Variants in MZT2A observed in about 807,000 individuals in gnomAD.
MZT2A encodes mitotic spindle organizing protein 2A, also known as mitotic-spindle organizing protein 2A.
In MZT2A, 8 loss-of-function variants were observed where a neutral mutation model predicts 12.4. The ratio of observed to expected loss-of-function variants is 0.64; its 90% CI spans 0.38 to 1.16. The LOEUF is 1.16. Ranked by LOEUF, MZT2A falls within the 50% of genes most tolerant of loss-of-function variation. MZT2A has a pLI of 0.01. For synonymous variants in MZT2A, 88 were observed against 107.5 expected, an observed-to-expected ratio of 0.82 and a Z score of 1.12; for missense variants, 181 against 223.6, an observed-to-expected ratio of 0.81 and a Z score of 1.22.
rs113502489 is a variant in MZT2A, at chr2:131,484,539, C to T, written c.320-321G>A. ...TTAGGGAAAGGTAGGTGTGGTGGTC[C>T]ACACCTAGCCTGGTCAGCAAACCTA... On this transcript the variant is annotated intron_variant, in intron 2 of 2. Transcript: ENST00000309451. 3.4e-3 allele frequency among the ~76,000 whole-genome samples: 522 copies of T among 152,316 alleles called. 3 individuals carry two copies. Among genetic ancestry groups the T allele is most frequent in the Middle Eastern group, 6.8e-3 (2 of 294 alleles).
chr2:131,475,123 G>A (rs1361699111), intron 2 of MZT2A, among the ~76,000 whole-genome samples: 1 of 147,844 alleles, frequency 6.8e-6, no homozygotes, highest in Non-Finnish European at 1.5e-5. Context: ...ACCGTGCCTT[G>A]CTAATTTTAT....
intron 2 of MZT2A, among the ~76,000 whole-genome samples, chr2:131,475,318 C>CTTT: frequency 9.1e-6 from 1 of 110,256 alleles, no homozygotes; most frequent in Non-Finnish European, 1.8e-5. Flanking sequence ...CTCCTTTCTT[C>CTTT]CTTTTTTTTT....
intron 2 of MZT2A, chr2:131,476,345 G>A: frequency 2.1e-6 from 3 of 1,444,486 alleles, no homozygotes; most frequent in South Asian, 2.8e-5. Context: ...AGGAGGACAC[G>A]GGATCGTTTC....
At chr2:131,491,254 G>A (rs1426963033) in intron 2 of MZT2A, 3 of 365,614 alleles carry the variant, frequency 8.2e-6, no homozygotes, top group Non-Finnish European at 1.6e-5. Flanking sequence ...GGAGAGGGAG[G>A]AGGCCCTTCA....
chr2:131,472,135 G>A, exon 3 of MZT2A: 1 of 1,290,184 alleles, frequency 7.8e-7, no homozygotes, highest in Non-Finnish European at 1.0e-6. Context: ...TAGCTGCTGT[G>A]TGAAATCTTG....
chr2:131,476,220 C>A (rs200054019), intron 2 of MZT2A: 1 of 1,613,890 alleles, frequency 6.2e-7, no homozygotes, highest in Non-Finnish European at 8.5e-7. Flanking sequence ...CCGGGTCACT[C>A]CCGCCCCGCA....
At chr2:131,474,964 C>T (rs67401334) in intron 2 of MZT2A, among the ~76,000 whole-genome samples, 30,172 of 151,804 alleles carry the variant, frequency 0.2, 4,904 homozygotes, top group East Asian at 0.75. Context: ...CCCAAATAAA[C>T]TCTATTTTTT....
rs368071025 is a variant in MZT2A at position 131,484,093 on chromosome 2, G to A, written c.445C>T (p.Pro149Ser). ...CTGCCCTGCGTAGGGCTCTTCCCAGGCCCGCCCCCCTTGGGCAGCCTGGTA... is the reference window on the plus strand; with the variant it reads ...CTGCCCTGCGTAGGGCTCTTCCCAGACCCGCCCCCCTTGGGCAGCCTGGTA... Reference protein sequence around the residue: ...SATRLPKGGGPGKSPTQGST With the variant: ...SATRLPKGGGSGKSPTQGST The change falls in exon 3 of 3, where the codon CCT becomes TCT. Residue 149 changes from proline (P) to serine (S), a missense_variant. Pro to Ser is a moderately conservative substitution (Grantham distance 74). Around this residue, in one of 3 missense-constraint regions of MZT2A, gnomAD observed 72 missense variants for 76.9 expected, o/e 0.94. Transcript: ENST00000309451. The A allele has an allele frequency of 1.6e-5, 26 of 1,613,602 alleles. No individual in the cohort carries two copies. In the African/African-American group the frequency reaches 3.1e-4, roughly 19 times the overall value.
At position 131,491,901 on chromosome 2, in the gene MZT2A, G is replaced by A. The variant is rs770125552; in HGVS notation, c.294C>T (p.Pro98=). The change falls in exon 2 of 3, where the codon CCC becomes CCT. Residue 98 remains proline, a synonymous_variant. Transcript: ENST00000309451. ...EPQDPAAVSL[P]TSSVPETRGR... ...CTCGGGTCTCGGGCACGCTCGACGT[G>A]GGCAGAGACACGGCCGCAGGGTCCT... is the stretch of plus-strand genomic sequence containing the variant. The A allele has an allele frequency of 6.7e-5, 102 of 1,516,436 alleles. No individual in the cohort carries two copies. In the Middle Eastern group the frequency reaches 1.4e-3, roughly 21 times the overall value. The allele number at this position is 1,516,436 out of a possible 1,614,324, so 93.9% of individuals were successfully genotyped here.
rs10178851 is a variant in MZT2A at position 131,492,228 on chromosome 2, C to G, written c.149G>C (p.Gly50Ala). ...LYELAQAAGG[G>A]IDPDVFKILV... is the part of the protein sequence containing the mutation. Reference sequence around the variant, plus strand: ...TCACTTGAACACGTCGGGGTCGATACCGCCGCCCGCCGCCTGAGCCAGCTC... The same window carrying G: ...TCACTTGAACACGTCGGGGTCGATAGCGCCGCCCGCCGCCTGAGCCAGCTC... Residue 50 changes from glycine to alanine, a missense_variant, in exon 1 of 3, where the codon GGT becomes GCT. This residue lies in a region of MZT2A where 106 missense variants were observed against 127.2 expected (regional missense o/e 0.83). Coordinates refer to ENST00000309451, the MANE Select transcript of MZT2A (RefSeq NM_001085365.2). The G allele has an allele frequency of 1.6e-3, 2,591 of 1,581,944 alleles. 37 individuals carry two copies. The African/African-American group carries it at 0.026, about 16-fold the overall frequency.
intron 3 of MZT2A, among the ~76,000 whole-genome samples, chr2:131,471,197 C>T (rs1309826665): frequency 7.1e-6 from 1 of 139,928 alleles, no homozygotes; most frequent in Admixed American, 6.7e-5. Flanking sequence ...GTCACTGTGA[C>T]TGTGTCAAGC....
At position 131,491,767 on chromosome 2, in the gene MZT2A, C is replaced by G. The variant is rs1322882516; in HGVS notation, c.319+109G>C. The G allele has an allele frequency of 2.4e-5, 34 of 1,420,804 alleles. 1 individual carries two copies. The highest frequency in any genetic ancestry group is 2.8e-5 in the Non-Finnish European group (30 of 1,071,976). 88.0% of individuals were successfully genotyped at this position (1,420,804 alleles called of 1,614,324 possible). A position where few individuals can be genotyped will look rare whatever the true frequency, so the allele number is the denominator to read the frequency against. Reference sequence around the variant, plus strand: ...CTGCAGGTGCTGGGCCTAGACCGACCGACAGACAGGCCTGGCCACTCAGGG... The same window carrying G: ...CTGCAGGTGCTGGGCCTAGACCGACGGACAGACAGGCCTGGCCACTCAGGG... On this transcript the variant is annotated intron_variant, in intron 2 of 2. Coordinates refer to ENST00000309451, the MANE Select transcript of MZT2A (RefSeq NM_001085365.2).
At chr2:131,473,892 G>A (rs1430591856) in intron 2 of MZT2A, among the ~76,000 whole-genome samples, 18 of 137,926 alleles carry the variant, frequency 1.3e-4, no homozygotes, top group Non-Finnish European at 2.3e-4. Flanking sequence ...ATAAGAAAAA[G>A]TGTTCACAGC....
chr2:131,492,918 C>G, upstream of MZT2A: 1 of 1,519,062 alleles, frequency 6.6e-7, no homozygotes, highest in Non-Finnish European at 8.9e-7. Flanking sequence ...GGACCACTCC[C>G]TCCCCCCGCA....
At chr2:131,479,363 C>T (rs139338147), downstream of MZT2A, 100 of 1,614,000 alleles carry the variant, frequency 6.2e-5, no homozygotes, top group Middle Eastern at 3.3e-4. Flanking sequence ...AGCTGATCAC[C>T]GGGAAGGAAG....
chr2:131,476,242 A>G, intron 2 of MZT2A: 1 of 1,613,760 alleles, frequency 6.2e-7, no homozygotes. Context: ...ATGCCCAGGC[A>G]GACGAAGTTG....
chr2:131,483,734 AAAC>A (rs1177124391), downstream of MZT2A, among the ~76,000 whole-genome samples: 12 of 141,750 alleles, frequency 8.5e-5, no homozygotes, highest in South Asian at 2.1e-4. Context: ...ACAAACAAAC[AAAC>A]AAAAAACCTC....
At position 131,491,803 on chromosome 2, in the gene MZT2A, G is replaced by A; in HGVS notation, c.319+73C>T. 11 of 1,390,952 alleles carry A rather than the reference G, an allele frequency of 7.9e-6. 1 individual carries two copies. In the South Asian group the frequency reaches 1.5e-4, roughly 19 times the overall value. 86.2% of individuals were successfully genotyped at this position (1,390,952 alleles called of 1,614,324 possible). ...CCTGGCCACTCAGGGCCACGCCGCC[G>A]CTGTGCCGCGCCTGCCCCCTCCCCG... On this transcript the variant is annotated intron_variant, in intron 2 of 2. Transcript: ENST00000309451.
chr2:131,492,051 G>A lies in MZT2A; in HGVS notation c.171-27C>T, dbSNP rs776867626. On this transcript the variant is annotated intron_variant, in intron 1 of 2. Transcript: ENST00000309451. Reference sequence around the variant, plus strand: ...TGGCGGGGACAGACGCGGGGCCGGTGAGCCCTCTCCGCCCGGCGCGGCCAC... The same window carrying A: ...TGGCGGGGACAGACGCGGGGCCGGTAAGCCCTCTCCGCCCGGCGCGGCCAC... 2.4e-5 allele frequency: 37 copies of A among 1,554,790 alleles called. No homozygotes were observed. In the African/African-American group the frequency reaches 4.4e-4, roughly 18 times the overall value.
Sources: gnomAD v4.1 joint callset for allele counts (sites outside exome capture counted in the v4.1 genomes callset) on GRCh38, gnomAD v4.1.1 for gene constraint, gnomAD v4.1.1 regional missense constraint, MANE v1.5 for transcripts, NCBI Gene and HGNC (gene_info 2026-07-23, HGNC 2026-07-21) for gene names.